CELF2: variants seen among roughly 807,000 people sequenced by gnomAD.
CELF2 encodes the protein CUGBP Elav-like family member 2, also known as CUG triplet repeat RNA-binding protein 2.
CELF2 carries 8 observed loss-of-function variants against 62.6 expected under a neutral mutation model. The observed-to-expected ratio is 0.13, with a 90% CI of 0.07 to 0.23. The LOEUF is 0.23. Ranked by LOEUF, CELF2 falls within the 10% of genes least tolerant of loss-of-function variation. The pLI is 1.00. For synonymous variants in CELF2, 258 were observed against 250.0 expected (o/e 1.03, Z -0.30); for missense variants, 333 against 671.0 (o/e 0.50, Z 5.56).
At chr10:10,827,796 G>A (rs1001063032) in intron 1 of CELF2, among the ~76,000 whole-genome samples, 1 of 152,080 alleles carries the variant, frequency 6.6e-6, no homozygotes, top group African/African-American at 2.4e-5. Context: ...AAGCATGTGT[G>A]TTCCATTACA....
At chr10:11,283,824 G>C (rs1460195217) in intron 8 of CELF2, among the ~76,000 whole-genome samples, 2 of 151,336 alleles carry the variant, frequency 1.3e-5, no homozygotes, top group Non-Finnish European at 2.9e-5. Context: ...TGGATGGTGG[G>C]TGGATGATGG....
At chr10:11,241,302 C>T (rs957427562) in intron 3 of CELF2, among the ~76,000 whole-genome samples, 8 of 152,322 alleles carry the variant, frequency 5.3e-5, no homozygotes, top group African/African-American at 1.4e-4. Context: ...CAGGTTCAAG[C>T]GATTCTCCTG....
At chr10:10,653,350 C>T in the CELF2 span, among the ~76,000 whole-genome samples, 1 of 149,096 alleles carries the variant, frequency 6.7e-6, no homozygotes, top group Non-Finnish European at 1.5e-5. Flanking sequence ...TTGAACTCAG[C>T]TCTGCACCAA....
chr10:10,513,746 G>T, the CELF2 span, among the ~76,000 whole-genome samples: 2 of 152,082 alleles, frequency 1.3e-5, no homozygotes, highest in Non-Finnish European at 1.5e-5. Context: ...ATATAAACTC[G>T]CAGATTTCAC....
chr10:11,192,362 G>A (rs1375501495), intron 2 of CELF2, among the ~76,000 whole-genome samples: 1 of 152,236 alleles, frequency 6.6e-6, no homozygotes, highest in Non-Finnish European at 1.5e-5. Flanking sequence ...GGCACCAGCT[G>A]TTTTGACTCC....
intron 8 of CELF2, among the ~76,000 whole-genome samples, chr10:11,276,231 G>A (rs190839698): frequency 3.7e-4 from 56 of 152,096 alleles, no homozygotes; most frequent in African/African-American, 1.3e-3. Flanking sequence ...CGGCAGCCCC[G>A]CCGTTGTGGC....
At chr10:10,896,376 A>C (rs1209460099) in intron 1 of CELF2, among the ~76,000 whole-genome samples, 1 of 152,316 alleles carries the variant, frequency 6.6e-6, no homozygotes, top group Non-Finnish European at 1.5e-5. Context: ...TAAAAAGGAA[A>C]GGATAAAAAA....
chr10:10,558,565 G>A, the CELF2 span, among the ~76,000 whole-genome samples: 1 of 151,982 alleles, frequency 6.6e-6, no homozygotes, highest in African/African-American at 2.4e-5. Context: ...GAGTTAGGGA[G>A]GATTCCCTCT....
At chr10:10,609,686 T>C in the CELF2 span, among the ~76,000 whole-genome samples, 3 of 152,190 alleles carry the variant, frequency 2.0e-5, no homozygotes, top group African/African-American at 7.2e-5. Context: ...TTCCTAAGTC[T>C]CTTTAAGGAA....
intron 9 of CELF2, among the ~76,000 whole-genome samples, chr10:11,299,815 A>AT (rs56084272): frequency 0.95 from 143,042 of 150,706 alleles, 67,905 homozygotes; most frequent in Middle Eastern, 0.98. Context: ...GATCATCAAC[A>AT]TTTTTTTTTT....
chr10:10,918,250 T>C (rs960050582), intron 1 of CELF2, among the ~76,000 whole-genome samples: 7 of 152,208 alleles, frequency 4.6e-5, no homozygotes, highest in African/African-American at 1.4e-4. Flanking sequence ...TTAGCTTGGG[T>C]ATCCACAATT....
intron 2 of CELF2, among the ~76,000 whole-genome samples, chr10:10,939,696 T>A (rs2046833820): frequency 6.6e-6 from 1 of 151,822 alleles, no homozygotes; most frequent in Admixed American, 6.6e-5. Context: ...GGCTCATGCC[T>A]GTAATCCCAG....
chr10:10,847,404 A>G (rs977012337), intron 1 of CELF2, among the ~76,000 whole-genome samples: 1 of 152,134 alleles, frequency 6.6e-6, no homozygotes, highest in Non-Finnish European at 1.5e-5. Flanking sequence ...AAATGAGAAA[A>G]TGCTGTAGGA....
At chr10:10,483,303 T>G in the CELF2 span, among the ~76,000 whole-genome samples, 1 of 151,424 alleles carries the variant, frequency 6.6e-6, no homozygotes, top group Non-Finnish European at 1.5e-5. Context: ...TGTCATGGGA[T>G]GACCTCTCCA....
chr10:11,005,448 G>A lies in CELF2; in HGVS notation c.53+8G>A, dbSNP rs2055072168. On this transcript the variant is annotated splice_region_variant and intron_variant, in intron 1 of 12. Coordinates refer to the CELF2 transcript ENST00000416382. The surrounding 1 kb of genome is among the most constrained non-coding windows in gnomAD (Gnocchi z 4.3). Reference sequence around the variant, plus strand: ...TGAAGAGCTGCTTTTAAGGTATGTTGTTGTGTCCTTTGTTTTTAATGCACG... The same window carrying A: ...TGAAGAGCTGCTTTTAAGGTATGTTATTGTGTCCTTTGTTTTTAATGCACG... The A allele has an allele frequency of 1.9e-6, 3 of 1,613,876 alleles. No homozygotes were observed. Among genetic ancestry groups the A allele is most frequent in the Non-Finnish European group, 2.5e-6 (3 of 1,179,818 alleles).
intron 2 of CELF2, among the ~76,000 whole-genome samples, chr10:11,168,616 G>T (rs1470628110): frequency 1.3e-5 from 2 of 152,194 alleles, no homozygotes; most frequent in African/African-American, 2.4e-5. Flanking sequence ...ACTGGAGGTG[G>T]TTTGGGTTAT....
the CELF2 span, among the ~76,000 whole-genome samples, chr10:10,755,536 C>G: frequency 6.6e-6 from 1 of 152,218 alleles, no homozygotes; most frequent in East Asian, 1.9e-4. Context: ...GCTTCCTCCT[C>G]AGATTGGTCT....
At chr10:11,230,889 A>G (rs1409067823) in intron 3 of CELF2, among the ~76,000 whole-genome samples, 1 of 152,252 alleles carries the variant, frequency 6.6e-6, no homozygotes, top group Non-Finnish European at 1.5e-5. Flanking sequence ...TGCAGAAAGC[A>G]TCGGAGTGTA....
At chr10:10,839,539 CT>C (rs2058540037) in intron 1 of CELF2, among the ~76,000 whole-genome samples, 1 of 152,206 alleles carries the variant, frequency 6.6e-6, no homozygotes, top group African/African-American at 2.4e-5. Context: ...CAGTGCAGTG[CT>C]TATGTACAGC....
Sources: allele counts gnomAD v4.1 joint callset (sites outside exome capture counted in the v4.1 genomes callset), GRCh38; gene constraint gnomAD v4.1.1; non-coding constraint Gnocchi (gnomAD v3.1); transcripts MANE v1.5; gene names NCBI Gene and HGNC (gene_info 2026-07-23, HGNC 2026-07-21).